PSMD1: variants seen among roughly 807,000 people sequenced by gnomAD.
PSMD1 encodes the protein proteasome 26S subunit, non-ATPase 1.
PSMD1 carries 18 observed loss-of-function variants against 119.0 expected under a neutral mutation model. The ratio of observed to expected loss-of-function variants is 0.15; its 90% confidence interval spans 0.10 to 0.22. The LOEUF is 0.22. Ranked by LOEUF, PSMD1 falls within the 10% of genes least tolerant of loss-of-function variation. PSMD1 has a pLI of 1.00. For missense variants in PSMD1, 702 were observed against 1,158.5 expected (o/e 0.61, Z 5.72); for synonymous variants, 374 against 396.6 (o/e 0.94, Z 0.68).
intron 12 of PSMD1, among the ~76,000 whole-genome samples, chr2:231,080,876 C>G (rs1365037394): frequency 6.6e-6 from 1 of 152,156 alleles, no homozygotes; most frequent in African/African-American, 2.4e-5. Context: ...GGCACGGTGG[C>G]TCACGCCTGT....
At chr2:231,140,505 A>G (rs2125249180) in intron 17 of PSMD1, among the ~76,000 whole-genome samples, 2 of 151,186 alleles carry the variant, frequency 1.3e-5, no homozygotes, top group Middle Eastern at 3.4e-3. Flanking sequence ...CAAAAAAAAA[A>G]AAAAAAAAAA....
chr2:231,077,249 ACTTT>A (rs892123644), intron 9 of PSMD1, 87 bp downstream of exon 9: 68 of 993,784 alleles, frequency 6.8e-5, no homozygotes, highest in Middle Eastern at 3.4e-4. Context: ...CTTGTTGGAT[ACTTT>A]CTTTATTTTA....
intron 16 of PSMD1, among the ~76,000 whole-genome samples, chr2:231,095,914 T>C (rs1438705080): frequency 1.3e-5 from 2 of 152,212 alleles, no homozygotes; most frequent in African/African-American, 2.4e-5. Context: ...ATGGCCAGCT[T>C]TTAATTGCTC....
At chr2:231,148,523 G>A (rs1696299527) in intron 18 of PSMD1, among the ~76,000 whole-genome samples, 1 of 152,180 alleles carries the variant, frequency 6.6e-6, no homozygotes, top group Non-Finnish European at 1.5e-5. Flanking sequence ...CCCATCTTCA[G>A]GTTGTATCGG....
chr2:231,069,450 G>C (rs902194334), intron 5 of PSMD1, among the ~76,000 whole-genome samples: 1 of 152,118 alleles, frequency 6.6e-6, no homozygotes, highest in African/African-American at 2.4e-5. Context: ...TATGTTGAAG[G>C]CCTTTTACAG....
intron 16 of PSMD1, among the ~76,000 whole-genome samples, chr2:231,090,866 A>G (rs1694572191): frequency 6.6e-6 from 1 of 152,250 alleles, no homozygotes; most frequent in South Asian, 2.1e-4. Context: ...CTGATAAAAC[A>G]TCAATGGCTG....
intron 14 of PSMD1, 38 bp from the exon 15 acceptor site, chr2:231,084,981 A>G: frequency 6.5e-7 from 1 of 1,536,914 alleles, no homozygotes; most frequent in Non-Finnish European, 9.0e-7. Flanking sequence ...TAACTGTTTG[A>G]AATAAGTTGA....
chr2:231,075,366 T>G (rs1246723209), intron 7 of PSMD1, 145 bp from the exon 8 acceptor site: 3 of 606,148 alleles, frequency 4.9e-6, no homozygotes, highest in Admixed American at 6.9e-5. Flanking sequence ...ATCTTAGAGA[T>G]GTGTAGAATT....
In PSMD1 at chr2:231,072,363, T is replaced by G. The variant is rs1019387352; in HGVS notation, c.829T>G (p.Ser277Ala). The G allele has an allele frequency of 3.1e-6, 5 of 1,613,910 alleles. No individual in the cohort carries two copies. The highest frequency in any genetic ancestry group is 3.3e-5 in the Admixed American group (2 of 60,008). The change falls in exon 7 of 25, where the codon TCT becomes GCT. Residue 277 changes from serine (S) to alanine (A), a missense_variant. Physicochemically the swap from Ser to Ala is moderately conservative, Grantham distance 99. Around this residue, in one of 9 missense-constraint regions of PSMD1, gnomAD observed 69 missense variants for 71.6 expected, o/e 0.96. Coordinates refer to ENST00000308696, the MANE Select transcript of PSMD1 (RefSeq NM_002807.4). ...NLRTVGTPIA[S>A]VPGSTNTGTV... ...TCGAACTGTTGGCACCCCTATTGCT[T>G]CTGTGCCTGGATCCACTAATACGGG...
intron 16 of PSMD1, among the ~76,000 whole-genome samples, chr2:231,104,693 T>G (rs1173892872): frequency 6.6e-6 from 1 of 152,182 alleles, no homozygotes; most frequent in African/African-American, 2.4e-5. Flanking sequence ...AGCTAAATAC[T>G]GAGATTCTAA....
At chr2:231,125,156 A>G (rs1339589451) in intron 16 of PSMD1, 1 of 152,234 alleles carries the variant, frequency 6.6e-6, no homozygotes, top group Non-Finnish European at 1.5e-5. Context: ...CCTCTTTGAT[A>G]CATTCATTTT....
At chr2:231,143,337 C>T (rs112453068) in intron 17 of PSMD1, among the ~76,000 whole-genome samples, 3,395 of 151,878 alleles carry the variant, frequency 0.022, 140 homozygotes, top group African/African-American at 0.077. Flanking sequence ...TCAAGTGATT[C>T]TCCTGCCTCA....
rs199853398 is a variant in PSMD1, at chr2:231,124,347, C to G, written c.1884-14389C>G. 2.0e-4 allele frequency among the ~76,000 whole-genome samples: 30 copies of G among 152,080 alleles called. No individual in the cohort carries two copies. The East Asian group carries it at 5.8e-3, about 29-fold the overall frequency. On this transcript the variant is annotated intron_variant, in intron 16 of 24. Transcript: ENST00000308696. ...GTTATAATAAAAAGTTAGGTGTTTC[C>G]TGACCCTTGAATGTCTTTTTACCTT...
At chr2:231,108,761 GC>G in intron 16 of PSMD1, 1 of 1,614,096 alleles carries the variant, frequency 6.2e-7, no homozygotes, top group Non-Finnish European at 8.5e-7. Context: ...TGACTTTGTG[GC>G]CCGGTAATTG....
intron 16 of PSMD1, among the ~76,000 whole-genome samples, chr2:231,102,977 G>A (rs902539360): frequency 2.6e-5 from 4 of 152,196 alleles, no homozygotes; most frequent in African/African-American, 9.7e-5. Context: ...TACGTCTTAT[G>A]TCCTTTTAAA....
intron 16 of PSMD1, among the ~76,000 whole-genome samples, chr2:231,099,323 G>A (rs934737847): frequency 6.6e-6 from 1 of 152,182 alleles, no homozygotes; most frequent in Non-Finnish European, 1.5e-5. Flanking sequence ...TTCTTCCTGA[G>A]ACACTGGACT....
intron 18 of PSMD1, among the ~76,000 whole-genome samples, chr2:231,147,643 C>T (rs1008071396): frequency 6.6e-6 from 1 of 152,156 alleles, no homozygotes; most frequent in African/African-American, 2.4e-5. Flanking sequence ...AATACATGTA[C>T]TAAAATTAGC....
At chr2:231,151,352 T>A (rs2125258142) in intron 18 of PSMD1, among the ~76,000 whole-genome samples, 1 of 152,276 alleles carries the variant, frequency 6.6e-6, no homozygotes. Flanking sequence ...CCAGATGGTC[T>A]CAAAGCTGAC....
chr2:231,165,227 G>A lies in PSMD1; in HGVS notation c.2509G>A (p.Ala837Thr). Residue 837 changes from alanine (A) to threonine (T), a missense_variant, in exon 22 of 25, where the codon GCC (alanine) becomes ACC (threonine). Physicochemically the swap from Ala to Thr is moderately conservative, Grantham distance 58 (BLOSUM62 0). Transcript: ENST00000308696. ...TTCTACTGCTGTATTATCTATAACTGCCAAGGCTAAAAAGAAGGAAAAAGA... is the reference window on the plus strand; with the variant it reads ...TTCTACTGCTGTATTATCTATAACTACCAAGGCTAAAAAGAAGGAAAAAGA... ...KVSTAVLSIT[A>T]KAKKKEKEKE... The A allele has an allele frequency of 6.2e-7, 1 of 1,607,046 alleles. No individual in the cohort carries two copies. Among genetic ancestry groups the A allele is most frequent in the East Asian group, 2.2e-5 (1 of 44,558 alleles).
Sources: gnomAD v4.1 joint callset for allele counts (sites outside exome capture counted in the v4.1 genomes callset) on GRCh38, gnomAD v4.1.1 for gene constraint, gnomAD v4.1.1 regional missense constraint, MANE v1.5 for transcripts, NCBI Gene and HGNC (gene_info 2026-07-23, HGNC 2026-07-21) for gene names.